Variants in CAMSAP1 observed in about 807,000 individuals in gnomAD.
CAMSAP1 encodes the protein calmodulin regulated spectrin associated protein 1.
CAMSAP1 carries 58 observed loss-of-function variants against 143.5 expected under a neutral mutation model. The ratio of observed to expected loss-of-function variants is 0.40; its 90% CI spans 0.33 to 0.50. The LOEUF (loss-of-function observed/expected upper bound fraction) is 0.50. Among genes scored for constraint, CAMSAP1 ranks in the 20% least tolerant of loss-of-function variants. CAMSAP1 has a pLI of 0.45. For missense variants in CAMSAP1, 1,969 were observed against 2,115.7 expected (o/e 0.93, Z 1.36); for synonymous variants, 945 against 859.3 (o/e 1.10, Z -1.74).
intron 3 of CAMSAP1, among the ~76,000 whole-genome samples, chr9:135,879,078 C>T (rs774327583): frequency 2.6e-5 from 4 of 152,050 alleles, no homozygotes; most frequent in Admixed American, 6.6e-5. Context: ...TCAATGCAAC[C>T]GCAGGGGAAT....
intron 7 of CAMSAP1, among the ~76,000 whole-genome samples, chr9:135,831,894 AAAG>A (rs1438739722): frequency 1.3e-5 from 2 of 152,214 alleles, no homozygotes; most frequent in Admixed American, 6.5e-5. Flanking sequence ...AAGACTGAAC[AAAG>A]AAGATATCTA....
chr9:135,813,312 A>G (rs1835118624), intron 16 of CAMSAP1, among the ~76,000 whole-genome samples: 2 of 152,354 alleles, frequency 1.3e-5, no homozygotes, highest in African/African-American at 4.8e-5. Context: ...TCTTATGTCA[A>G]TGCCACTCTT....
Position 135,822,483 on chromosome 9 carries a change from G to A in CAMSAP1, c.2178C>T (p.His726=), listed in dbSNP as rs758976704. The change falls in exon 11 of 17, where the codon CAC becomes CAT. Residue 726 remains histidine, a synonymous_variant. Coordinates refer to ENST00000389532, the MANE Select transcript of CAMSAP1 (RefSeq NM_015447.4). The surrounding 1 kb of genome is among the most constrained non-coding windows in gnomAD (Gnocchi z 6.1). ...YVSCSKSPNS[H]DSEPWTLLRQ... ...TGAGGAGAGTCCACGGCTCTGAATC[G>A]TGGGAGTTGGGGCTTTTTGAACAAC... is the stretch of plus-strand genomic sequence containing the variant. 2.2e-5 allele frequency: 36 copies of A among 1,613,826 alleles called. No homozygotes were observed. Among genetic ancestry groups the A allele is most frequent in the South Asian group, 4.4e-5 (4 of 91,090 alleles).
intron 7 of CAMSAP1, among the ~76,000 whole-genome samples, chr9:135,832,918 A>C (rs1041596165): frequency 6.6e-6 from 1 of 152,146 alleles, no homozygotes; most frequent in African/African-American, 2.4e-5. Flanking sequence ...TCCCATATTC[A>C]CGGATTGACA....
rs139692582 is a variant in CAMSAP1 at position 135,822,281 on chromosome 9, G to T, written c.2380C>A (p.Pro794Thr). ...DKDDASGRSS[P>T]CLSTASQMSS... is the part of the protein sequence containing the mutation. ...ATCTGAGAGGCTGTGCTCAGGCAGG[G>T]GCTCGAGCGGCCGCTGGCGTCATCT... The change falls in exon 11 of 17, where the codon CCC (proline) becomes ACC (threonine). Residue 794 changes from proline (P) to threonine (T), a missense_variant. Transcript: ENST00000389532. The surrounding 1 kb of genome is among the most constrained non-coding windows in gnomAD (Gnocchi z 6.1). 1.2e-6 allele frequency: 2 copies of T among 1,613,842 alleles called. No individual in the cohort carries two copies.
At position 135,818,245 on chromosome 9, in the gene CAMSAP1, C is replaced by CA. The variant is rs1835313274; in HGVS notation, c.4168+162dup. 13 of 1,101,974 alleles carry CA rather than the reference C, an allele frequency of 1.2e-5. 1 individual carries two copies. The South Asian group carries it at 1.7e-4, about 15-fold the overall frequency. The allele number at this position is 1,101,974 out of a possible 1,614,324, so 68.3% of individuals were successfully genotyped here. ...CTGCGCCTGGATGTGCCGCACATCTCAGAGCATCTGGTCTCAACATTGTCA... is the reference window on the plus strand; with the variant it reads ...CTGCGCCTGGATGTGCCGCACATCTCAAGAGCATCTGGTCTCAACATTGTCA... On this transcript the variant is annotated intron_variant, in intron 13 of 16. Coordinates refer to ENST00000389532, the MANE Select transcript of CAMSAP1 (RefSeq NM_015447.4). This position sits in a 1 kb window ranked among gnomAD's most constrained non-coding sequence, Gnocchi z 7.7.
chr9:135,866,310 A>G (rs1382365020), intron 4 of CAMSAP1, 146 bp downstream of exon 4: 2 of 592,848 alleles, frequency 3.4e-6, no homozygotes, highest in Non-Finnish European at 6.1e-6. Flanking sequence ...GTGGAGAATC[A>G]GCCCACCAGG....
intron 16 of CAMSAP1, among the ~76,000 whole-genome samples, chr9:135,814,188 C>T (rs113753069): frequency 1.6e-3 from 250 of 152,318 alleles, no homozygotes; most frequent in Middle Eastern, 0.01. Flanking sequence ...CTGCCTAGGT[C>T]GGGGCCATTC....
chr9:135,906,502 T>A (rs1384856647), intron 1 of CAMSAP1, among the ~76,000 whole-genome samples: 2 of 152,254 alleles, frequency 1.3e-5, no homozygotes, highest in Non-Finnish European at 2.9e-5. Flanking sequence ...TCATTATGAT[T>A]AAGCACAATG....
chr9:135,874,003 T>C (rs1402703173), intron 3 of CAMSAP1, among the ~76,000 whole-genome samples: 1 of 152,024 alleles, frequency 6.6e-6, no homozygotes, highest in Non-Finnish European at 1.5e-5. Context: ...CGTCAATATA[T>C]AAAATAAATA....
chr9:135,854,993 TC>T (rs1836903560), intron 5 of CAMSAP1, among the ~76,000 whole-genome samples: 1 of 151,160 alleles, frequency 6.6e-6, no homozygotes, highest in Non-Finnish European at 1.5e-5. Flanking sequence ...ATCATTTAGC[TC>T]CCACTTTTTT....
intron 1 of CAMSAP1, among the ~76,000 whole-genome samples, chr9:135,891,199 T>C (rs1223261253): frequency 6.6e-6 from 1 of 152,104 alleles, no homozygotes; most frequent in Non-Finnish European, 1.5e-5. Flanking sequence ...CACTTTTCTC[T>C]CCCAGCCTGA....
intron 7 of CAMSAP1, among the ~76,000 whole-genome samples, chr9:135,832,541 A>C (rs1835889905): frequency 6.6e-6 from 1 of 152,198 alleles, no homozygotes; most frequent in Non-Finnish European, 1.5e-5. Context: ...TCTTTTATTC[A>C]ACACAGTACT....
chr9:135,827,718 A>G (rs1403096193), intron 7 of CAMSAP1, 134 bp from the exon 8 acceptor site: 17 of 771,414 alleles, frequency 2.2e-5, no homozygotes, highest in Non-Finnish European at 3.1e-5. Context: ...ACTGGTTTCA[A>G]GTTTAACAAA....
intron 3 of CAMSAP1, among the ~76,000 whole-genome samples, chr9:135,873,630 TAAAG>T (rs1451806296): frequency 1.3e-5 from 2 of 151,592 alleles, no homozygotes; most frequent in Admixed American, 6.6e-5. Context: ...AAAAGGAAAA[TAAAG>T]AAATATAAAC....
At position 135,820,044 on chromosome 9, in the gene CAMSAP1, T is replaced by C. The variant is rs1417491070; in HGVS notation, c.3822+795A>G. ...TGCCGAGAGAAAACGTTCTGAGAAA[T>C]AGGTCCTCAGGTGACTCTGCTGCTG... On this transcript the variant is annotated intron_variant, in intron 11 of 16. Coordinates refer to ENST00000389532, the MANE Select transcript of CAMSAP1 (RefSeq NM_015447.4). The surrounding 1 kb of genome is among the most constrained non-coding windows in gnomAD (Gnocchi z 4.4). Among the ~76,000 whole-genome samples the C allele has an allele frequency of 2.6e-5, 4 of 152,162 alleles. No individual in the cohort carries two copies. In the East Asian group the frequency reaches 7.7e-4, roughly 29 times the overall value.
intron 3 of CAMSAP1, among the ~76,000 whole-genome samples, chr9:135,872,463 G>A (rs1425072142): frequency 1.3e-5 from 2 of 152,094 alleles, no homozygotes; most frequent in African/African-American, 4.8e-5. Context: ...ACCCTTAAAA[G>A]AGGGAAGAAA....
intron 1 of CAMSAP1, among the ~76,000 whole-genome samples, chr9:135,886,284 A>G (rs1019172282): frequency 6.6e-6 from 1 of 152,160 alleles, no homozygotes; most frequent in Admixed American, 6.5e-5. Flanking sequence ...AAAAGTCAAC[A>G]GGTAATTTCC....
In CAMSAP1 at chr9:135,883,004, T is replaced by C. The variant is rs1588502050; in HGVS notation, c.235A>G (p.Ile79Val). Residue 79 changes from isoleucine (I) to valine (V), a missense_variant, in exon 2 of 17, where the codon ATC becomes GTC. Physicochemically the swap from Ile to Val is conservative, Grantham distance 29. This residue lies in a region of CAMSAP1 where 215 missense variants were observed against 196.2 expected (regional missense o/e 1.10). Coordinates refer to ENST00000389532, the MANE Select transcript of CAMSAP1 (RefSeq NM_015447.4). ...AGCTCGCTGGACAGGAGAAGCTTGA[T>C]AACAGGCGGCTTAATGTGCTCCTGC... ...YEQEHIKPPV[I>V]KLLLSSELYC... 6.4e-7 allele frequency: 1 copy of C among 1,551,672 alleles called. No homozygotes were observed. Among genetic ancestry groups the C allele is most frequent in the East Asian group, 2.4e-5 (1 of 40,920 alleles).
Sources: allele counts gnomAD v4.1 joint callset (sites outside exome capture counted in the v4.1 genomes callset), GRCh38; gene constraint gnomAD v4.1.1; regional missense constraint gnomAD v4.1.1; non-coding constraint Gnocchi (gnomAD v3.1); transcripts MANE v1.5; gene names NCBI Gene and HGNC (gene_info 2026-07-23, HGNC 2026-07-21).